The following USP3 variants were observed in gnomAD, a reference collection of about 807,000 sequenced individuals.
USP3 encodes ubiquitin specific peptidase 3.
A neutral mutation model predicts 72.3 loss-of-function variants in USP3; 20 were observed. That is an observed-to-expected ratio of 0.28 (90% CI 0.19 to 0.40). The LOEUF (loss-of-function observed/expected upper bound fraction) is 0.40. USP3 is among the 10% of genes least tolerant of loss of function. USP3 has a pLI of 1.00. For missense variants in USP3, 479 were observed against 633.9 expected (o/e 0.76, Z 2.62); for synonymous variants, 222 against 225.3 (o/e 0.99, Z 0.13).
chr15:63,572,096 G>T (rs751885662), intron 9 of USP3, among the ~76,000 whole-genome samples: 7 of 152,072 alleles, frequency 4.6e-5, no homozygotes, highest in Non-Finnish European at 8.8e-5. Context: ...AATCATAAGA[G>T]CCTATCCAAT....
In USP3 at chr15:63,591,429, T is replaced by TTTG. The variant is rs1407288349; in HGVS notation, c.*607_*609dup. The TTTG allele has an allele frequency of 6.6e-6, 1 of 152,230 alleles. No homozygotes were observed. Among genetic ancestry groups the TTTG allele is most frequent in the African/African-American group, 2.4e-5 (1 of 41,446 alleles). 9.4% of individuals were successfully genotyped at this position (152,230 alleles called of 1,614,324 possible). ...TCTTTATCAGCACTAACTAAATAAA[T>TTTG]TTGTTGGTTCAGTTGTACTTGTCCT... On this transcript the variant is annotated 3_prime_UTR_variant, in exon 15 of 15. Transcript: ENST00000380324.
intron 1 of USP3, among the ~76,000 whole-genome samples, chr15:63,526,927 C>T (rs111628018): frequency 0.024 from 3,658 of 152,304 alleles, 148 homozygotes; most frequent in African/African-American, 0.081. Context: ...CAGGGTCTTG[C>T]TTTGTCGCCC....
In USP3 at chr15:63,590,838, AATC is replaced by A. The variant is rs1162613462; in HGVS notation, c.*18_*20del. 4 of 1,602,040 alleles carry A rather than the reference AATC, an allele frequency of 2.5e-6. No individual in the cohort carries two copies. Among genetic ancestry groups the A allele is most frequent in the African/African-American group, 1.3e-5 (1 of 74,506 alleles). On this transcript the variant is annotated 3_prime_UTR_variant, in exon 15 of 15. Coordinates refer to ENST00000380324, the MANE Select transcript of USP3 (RefSeq NM_006537.4). ...CGGATAAACTTTAATACCTCCTCCA[AATC>A]ATCATTCACCAACCATACCAGAGAA... is the stretch of plus-strand genomic sequence containing the variant.
At chr15:63,526,883 G>A (rs564882870) in intron 1 of USP3, among the ~76,000 whole-genome samples, 3 of 152,312 alleles carry the variant, frequency 2.0e-5, no homozygotes, top group Non-Finnish European at 2.9e-5. Context: ...ACTTTTGCCA[G>A]TCCTTATGTT....
At chr15:63,569,135 A>C (rs561453954) in intron 8 of USP3, among the ~76,000 whole-genome samples, 2 of 152,206 alleles carry the variant, frequency 1.3e-5, no homozygotes, top group Non-Finnish European at 2.9e-5. Context: ...TAAGTGATAG[A>C]ATTTCAGATA....
At chr15:63,539,276 C>A (rs1055568008) in intron 3 of USP3, among the ~76,000 whole-genome samples, 1 of 152,090 alleles carries the variant, frequency 6.6e-6, no homozygotes, top group Non-Finnish European at 1.5e-5. Flanking sequence ...GTCACATCAT[C>A]CTATAGTACC....
chr15:63,540,801 A>G (rs2066233950), intron 3 of USP3, among the ~76,000 whole-genome samples: 1 of 152,210 alleles, frequency 6.6e-6, no homozygotes, highest in Non-Finnish European at 1.5e-5. Context: ...GGAGATAAGC[A>G]CATTAACTTG....
At position 63,574,214 on chromosome 15, in the gene USP3, C is replaced by CA; in HGVS notation, c.1015+68dup. On this transcript the variant is annotated intron_variant, in intron 10 of 14. Coordinates refer to ENST00000380324, the MANE Select transcript of USP3 (RefSeq NM_006537.4). This position sits in a 1 kb window ranked among gnomAD's most constrained non-coding sequence, Gnocchi z 4.6. ...ATTAAAATAAATTTAATGTTTCCTT[C>CA]AAAAAATAAGTGTAAAGAGAAATCT... 7.1e-7 allele frequency: 1 copy of CA among 1,399,344 alleles called. No homozygotes were observed. Among genetic ancestry groups the CA allele is most frequent in the Non-Finnish European group, 9.5e-7 (1 of 1,053,028 alleles). 86.7% of individuals were successfully genotyped at this position (1,399,344 alleles called of 1,614,324 possible).
intron 11 of USP3, among the ~76,000 whole-genome samples, chr15:63,578,069 G>A (rs1210472389): frequency 6.6e-6 from 1 of 151,678 alleles, no homozygotes; most frequent in African/African-American, 2.4e-5. Context: ...GAGGCTAGGA[G>A]TTCGAGACCA....
Position 63,507,483 on chromosome 15 carries a change from T to A in USP3, c.91+2653T>A, listed in dbSNP as rs543968597. Among the ~76,000 whole-genome samples, 106 of 152,348 alleles carry A rather than the reference T, an allele frequency of 7.0e-4. 1 individual carries two copies. Among genetic ancestry groups the A allele is most frequent in the Admixed American group, 2.8e-3 (43 of 15,302 alleles). On this transcript the variant is annotated intron_variant, in intron 1 of 14. Coordinates refer to ENST00000380324, the MANE Select transcript of USP3 (RefSeq NM_006537.4). Reference sequence around the variant, plus strand: ...TTGTGAAAACTTTGAGAAACTTGTATACACTGTTCTAGTAATAGGTGGTAT... The same window carrying A: ...TTGTGAAAACTTTGAGAAACTTGTAAACACTGTTCTAGTAATAGGTGGTAT...
At chr15:63,569,395 T>A (rs181293954) in intron 8 of USP3, among the ~76,000 whole-genome samples, 58 of 152,272 alleles carry the variant, frequency 3.8e-4, no homozygotes, top group Non-Finnish European at 6.5e-4. Flanking sequence ...CAAAGTTCCA[T>A]TGGTTAGGGA....
In USP3 at chr15:63,553,708, C is replaced by T. The variant is rs1339575798; in HGVS notation, c.285-7C>T. 5.6e-6 allele frequency: 9 copies of T among 1,611,294 alleles called. No individual in the cohort carries two copies. Among genetic ancestry groups the T allele is most frequent in the Non-Finnish European group, 7.6e-6 (9 of 1,178,832 alleles). ...TTTACACACATTGATTAATATTTTC[C>T]TTGCAGTTATCGCTGTGATGATTTT... On this transcript the variant is annotated splice_polypyrimidine_tract_variant and splice_region_variant and intron_variant, in intron 3 of 14. Transcript: ENST00000380324. This position sits in a 1 kb window ranked among gnomAD's most constrained non-coding sequence, Gnocchi z 4.2.
At chr15:63,515,675 A>T (rs1379788917) in intron 1 of USP3, among the ~76,000 whole-genome samples, 8 of 152,268 alleles carry the variant, frequency 5.3e-5, no homozygotes, top group Non-Finnish European at 7.3e-5. Context: ...AATATATTTT[A>T]GACTTTTTAA....
At chr15:63,560,305 A>G (rs2066586262) in intron 7 of USP3, among the ~76,000 whole-genome samples, 2 of 151,488 alleles carry the variant, frequency 1.3e-5, no homozygotes, top group African/African-American at 4.9e-5. Context: ...AATCCCAGCT[A>G]CTCGGGAGGC....
intron 1 of USP3, among the ~76,000 whole-genome samples, chr15:63,520,894 C>T (rs762939298): frequency 6.6e-6 from 1 of 151,964 alleles, no homozygotes; most frequent in Non-Finnish European, 1.5e-5. Context: ...CTCATCCTTA[C>T]TGATTTTATT....
intron 11 of USP3, among the ~76,000 whole-genome samples, chr15:63,577,234 T>C (rs2066878649): frequency 1.3e-5 from 2 of 152,212 alleles, no homozygotes; most frequent in Admixed American, 1.3e-4. Context: ...TATTAGCAAA[T>C]ACAACTCAGC....
chr15:63,572,966 A>G (rs554409962), intron 9 of USP3, among the ~76,000 whole-genome samples: 78 of 152,272 alleles, frequency 5.1e-4, no homozygotes, highest in African/African-American at 1.8e-3. Flanking sequence ...TGTGAAGATT[A>G]ATTGATTGAC....
At chr15:63,550,912 TTTGGGAGGCTGAG>T (rs2066427226) in intron 3 of USP3, among the ~76,000 whole-genome samples, 1 of 152,130 alleles carries the variant, frequency 6.6e-6, no homozygotes, top group Non-Finnish European at 1.5e-5. Flanking sequence ...ATCTCAGCAC[TTTGGGAGGCTGAG>T]GTGGGAGGAT....
At chr15:63,560,343 G>T (rs1303554518) in intron 7 of USP3, among the ~76,000 whole-genome samples, 1 of 151,318 alleles carries the variant, frequency 6.6e-6, no homozygotes, top group Non-Finnish European at 1.5e-5. Context: ...TTGAACCCAA[G>T]AGGCAGAGGT....
Sources: allele counts gnomAD v4.1 joint callset (sites outside exome capture counted in the v4.1 genomes callset), GRCh38; gene constraint gnomAD v4.1.1; non-coding constraint Gnocchi (gnomAD v3.1); transcripts MANE v1.5; gene names NCBI Gene and HGNC (gene_info 2026-07-23, HGNC 2026-07-21).